The following SLC14A2 variants were observed in gnomAD, a reference collection of about 807,000 sequenced individuals.
The protein encoded by SLC14A2 is urea transporter 2.
SLC14A2 carries 91 observed loss-of-function variants against 104.6 expected under a neutral mutation model. The observed-to-expected ratio is 0.87, with a 90% CI of 0.73 to 1.04. The LOEUF (loss-of-function observed/expected upper bound fraction) is 1.04. Ranked by LOEUF, SLC14A2 falls within the 50% of genes least tolerant of loss-of-function variation. The pLI is 0.00. For missense variants in SLC14A2, 1,189 were observed against 1,156.0 expected (o/e 1.03, Z -0.41); for synonymous variants, 476 against 466.4 (o/e 1.02, Z -0.27).
chr18:45,195,540 T>G, the SLC14A2 span, among the ~76,000 whole-genome samples: 4 of 152,122 alleles, frequency 2.6e-5, no homozygotes, highest in Non-Finnish European at 5.9e-5. Context: ...TACAGGCACA[T>G]GCTACCATGC....
intron 1 of SLC14A2, among the ~76,000 whole-genome samples, chr18:45,289,085 C>T (rs1008465188): frequency 6.6e-6 from 1 of 152,206 alleles, no homozygotes; most frequent in Non-Finnish European, 1.5e-5. Context: ...TCAGCCACCT[C>T]AACAAGAACA....
chr18:45,423,481 A>G (rs760175156), intron 1 of SLC14A2, among the ~76,000 whole-genome samples: 5 of 152,194 alleles, frequency 3.3e-5, no homozygotes, highest in African/African-American at 4.8e-5. Context: ...TAATGACAAC[A>G]TGCACAAACA....
intron 1 of SLC14A2, among the ~76,000 whole-genome samples, chr18:45,473,747 G>A (rs964016627): frequency 6.6e-6 from 1 of 152,220 alleles, no homozygotes; most frequent in Admixed American, 6.5e-5. Context: ...AGGCTTTGCT[G>A]AAGTTGCTGA....
intron 1 of SLC14A2, among the ~76,000 whole-genome samples, chr18:45,481,372 T>C (rs1319966223): frequency 6.6e-6 from 1 of 152,196 alleles, no homozygotes; most frequent in Non-Finnish European, 1.5e-5. Context: ...AATCCTATTT[T>C]ATTTCTTAAT....
At chr18:45,244,698 G>A (rs2084351357) in intron 1 of SLC14A2, among the ~76,000 whole-genome samples, 1 of 152,138 alleles carries the variant, frequency 6.6e-6, no homozygotes, top group South Asian at 2.1e-4. Context: ...CCTGTATGAG[G>A]AAAGCCCAAA....
intron 1 of SLC14A2, among the ~76,000 whole-genome samples, chr18:45,349,681 C>G (rs1170799366): frequency 6.6e-6 from 1 of 152,216 alleles, no homozygotes; most frequent in Admixed American, 6.5e-5. Context: ...GGTTACAGCT[C>G]TCTCCTCTCC....
chr18:45,649,007 T>C (rs942527710), intron 10 of SLC14A2, among the ~76,000 whole-genome samples: 2 of 152,014 alleles, frequency 1.3e-5, no homozygotes, highest in African/African-American at 2.4e-5. Context: ...CTGTCTCTAC[T>C]AAAAATACAA....
intron 1 of SLC14A2, among the ~76,000 whole-genome samples, chr18:45,339,140 T>A (rs2085368096): frequency 1.3e-5 from 2 of 152,286 alleles, no homozygotes; most frequent in South Asian, 2.1e-4. Context: ...GTTTGTTTGT[T>A]TTTAGTAGAG....
Position 45,624,716 on chromosome 18 carries a change from T to C in SLC14A2, c.52T>C (p.Tyr18His). 1 of 1,613,546 alleles carries C rather than the reference T, an allele frequency of 6.2e-7. No individual in the cohort carries two copies. The highest frequency in any genetic ancestry group is 8.5e-7 in the Non-Finnish European group (1 of 1,179,774). ...PLLPEPLSSR[Y>H]KLYEAEFTSP... Reference sequence around the variant, plus strand: ...CCTGCCAGAGCCACTTTCCAGCAGATACAAACTCTACGAGGCAGAGTTTAC... The same window carrying C: ...CCTGCCAGAGCCACTTTCCAGCAGACACAAACTCTACGAGGCAGAGTTTAC... The change falls in exon 2 of 20, where the codon TAC becomes CAC. Residue 18 changes from tyrosine to histidine, a missense_variant. Tyr to His is a moderately conservative substitution (Grantham distance 83). Coordinates refer to ENST00000255226, the MANE Select transcript of SLC14A2 (RefSeq NM_007163.4).
At chr18:45,495,909 C>G (rs895188057) in intron 2 of SLC14A2, among the ~76,000 whole-genome samples, 2 of 152,208 alleles carry the variant, frequency 1.3e-5, no homozygotes, top group African/African-American at 4.8e-5. Context: ...AGCGCCAACT[C>G]CCAGGTCTGA....
At chr18:45,632,319 CA>C (rs1314049606) in intron 4 of SLC14A2, 30 bp from the exon 5 acceptor site, 1 of 1,603,250 alleles carries the variant, frequency 6.2e-7, no homozygotes, top group East Asian at 2.2e-5. Context: ...CCACCAACTT[CA>C]AATGCAAAAT....
chr18:45,260,320 A>G (rs1242246628), intron 1 of SLC14A2, among the ~76,000 whole-genome samples: 1 of 152,216 alleles, frequency 6.6e-6, no homozygotes, highest in Non-Finnish European at 1.5e-5. Flanking sequence ...AGAATTAAAT[A>G]GTATTCTGAG....
In SLC14A2 at chr18:45,663,906, A is replaced by C; in HGVS notation, c.1473A>C (p.Lys491Asn). The C allele has an allele frequency of 6.2e-7, 1 of 1,611,358 alleles. No individual in the cohort carries two copies. Among genetic ancestry groups the C allele is most frequent in the Non-Finnish European group, 8.5e-7 (1 of 1,178,936 alleles). The change falls in exon 11 of 20, where the codon AAA becomes AAC. Residue 491 changes from lysine (K) to asparagine (N), a missense_variant and splice_region_variant. Lys to Asn is a moderately conservative substitution (Grantham distance 94). Transcript: ENST00000255226. ...GGTCATCCATTCGGAGGAGGAGCAA[A>C]GGTGTGCATGTCCTCCCCCTCACGC... ...IEWSSIRRRS[K>N]VFGKGEHQER...
At chr18:45,326,912 A>G (rs1286777588) in intron 1 of SLC14A2, among the ~76,000 whole-genome samples, 1 of 152,208 alleles carries the variant, frequency 6.6e-6, no homozygotes, top group Non-Finnish European at 1.5e-5. Flanking sequence ...AGGAACATAG[A>G]AAGTCAGTTT....
chr18:45,217,455 A>T (rs1159263142), intron 1 of SLC14A2, among the ~76,000 whole-genome samples: 2 of 152,074 alleles, frequency 1.3e-5, no homozygotes, highest in Non-Finnish European at 2.9e-5. Context: ...GGGTTAGAAC[A>T]GTGAGGAATG....
chr18:45,635,035 G>GA (rs879282128), intron 5 of SLC14A2: 7,486 of 244,786 alleles, frequency 0.031, no homozygotes, highest in South Asian at 0.063. Flanking sequence ...CCAAGGAGAG[G>GA]AAAAAAAAAA....
intron 4 of SLC14A2, among the ~76,000 whole-genome samples, chr18:45,631,152 G>A (rs142190544): frequency 4.4e-4 from 67 of 152,266 alleles, no homozygotes; most frequent in African/African-American, 1.4e-3. Flanking sequence ...GGTTTAGCAC[G>A]CCCACATTAT....
At chr18:45,313,679 A>G (rs1374836019) in intron 1 of SLC14A2, among the ~76,000 whole-genome samples, 1 of 152,208 alleles carries the variant, frequency 6.6e-6, no homozygotes, top group African/African-American at 2.4e-5. Context: ...TAGGGTTATT[A>G]TGACCATCAA....
intron 1 of SLC14A2, among the ~76,000 whole-genome samples, chr18:45,219,906 A>G (rs1380383315): frequency 6.6e-6 from 1 of 152,170 alleles, no homozygotes; most frequent in Non-Finnish European, 1.5e-5. Context: ...AACAAAATCA[A>G]ATGTAAATAG....
Sources: gnomAD v4.1 joint callset for allele counts (sites outside exome capture counted in the v4.1 genomes callset) on GRCh38, gnomAD v4.1.1 for gene constraint, MANE v1.5 for transcripts, NCBI Gene and HGNC (gene_info 2026-07-23, HGNC 2026-07-21) for gene names.